Variants in DHX34 observed in about 807,000 individuals in gnomAD.
DHX34 encodes the protein DExH-box helicase 34, also known as probable ATP-dependent RNA helicase DHX34.
DHX34 carries 96 observed loss-of-function variants against 111.1 expected under a neutral mutation model. The observed-to-expected ratio is 0.86, with a 90% CI of 0.73 to 1.02. The LOEUF is 1.02. Ranked by LOEUF, DHX34 falls within the 50% of genes least tolerant of loss-of-function variation. The pLI, the probability that DHX34 is intolerant of heterozygous loss-of-function variation, is 0.00. For missense variants in DHX34, 1,560 were observed against 1,579.9 expected (o/e 0.99, Z 0.21); for synonymous variants, 688 against 670.4 (o/e 1.03, Z -0.41).
intron 13 of DHX34, among the ~76,000 whole-genome samples, chr19:47,378,244 TTCTG>T (rs1970232796): frequency 6.6e-6 from 1 of 152,142 alleles, no homozygotes; most frequent in South Asian, 2.1e-4. Flanking sequence ...GCTCAGTCAC[TTCTG>T]TGTGTGTCCA....
rs572475082 is a variant in DHX34, at chr19:47,382,053, C to T, written c.3372C>T (p.Cys1124=). The T allele has an allele frequency of 2.0e-5, 33 of 1,614,144 alleles. No homozygotes were observed. In the African/African-American group the frequency reaches 2.4e-4, roughly 12 times the overall value. ...VLQRPYHCEA[C]GKDFLFTPTE... is the part of the protein sequence containing the mutation. ...AGAGGCCCTACCACTGCGAGGCCTG[C>T]GGGAAGGACTTCCTCTTTACACCCA... The change falls in exon 17 of 17, where the codon TGC becomes TGT. Residue 1124 remains cysteine, a synonymous_variant. Coordinates refer to ENST00000328771, the MANE Select transcript of DHX34 (RefSeq NM_014681.6).
chr19:47,359,881 G>A, intron 4 of DHX34, 87 bp from the exon 5 acceptor site: 3 of 1,598,436 alleles, frequency 1.9e-6, no homozygotes, highest in Non-Finnish European at 2.6e-6. Context: ...CAGGGAAGCT[G>A]CTGACACGGG....
At chr19:47,375,774 T>C in intron 10 of DHX34, 66 bp downstream of exon 10, 1 of 1,555,072 alleles carries the variant, frequency 6.4e-7, no homozygotes, top group Non-Finnish European at 8.6e-7. Flanking sequence ...CCTGGGGGGG[T>C]CCCAGGGGAC....
rs1319377745 is a variant in DHX34, at chr19:47,380,860, C to T, written c.3027C>T (p.Asn1009=). The T allele has an allele frequency of 4.8e-5, 78 of 1,613,878 alleles. No individual in the cohort carries two copies. The highest frequency in any genetic ancestry group is 1.0e-4 in the Admixed American group (6 of 59,966). The part of the protein sequence containing the change: ...LRRLTGLEVQ[N]MYVGPQTIPA... ...GGCTCACAGGGCTAGAAGTCCAGAA[C>T]ATGTATGTGGGACCCCAGACCATCC... The change falls in exon 15 of 17, where the codon AAC becomes AAT. Residue 1009 remains asparagine, a synonymous_variant. Transcript: ENST00000328771.
Position 47,381,970 on chromosome 19 carries a change from C to G in DHX34, c.3299-10C>G, listed in dbSNP as rs200724419. ...ACGCCCCTCACAGCCTCCTCCTTTT[C>G]CTCCCTTAGGGGCTGAGGAAGCTGC... On this transcript the variant is annotated splice_polypyrimidine_tract_variant and intron_variant, in intron 16 of 16. Coordinates refer to ENST00000328771, the MANE Select transcript of DHX34 (RefSeq NM_014681.6). The G allele has an allele frequency of 2.3e-4, 375 of 1,614,000 alleles. No individual in the cohort carries two copies. The Middle Eastern group carries it at 3.5e-3, about 15-fold the overall frequency.
intron 9 of DHX34, among the ~76,000 whole-genome samples, chr19:47,374,614 T>C (rs186395447): frequency 6.6e-6 from 1 of 152,160 alleles, no homozygotes; most frequent in East Asian, 1.9e-4. Flanking sequence ...CCATTCTGTT[T>C]GGTTGGAGAT....
chr19:47,377,048 ATGGGCCTGGG>A (rs1423697371), intron 12 of DHX34, 42 bp from the exon 13 acceptor site: 13 of 1,611,332 alleles, frequency 8.1e-6, no homozygotes, highest in Admixed American at 3.3e-5. Flanking sequence ...CGGGCTTCTG[ATGGGCCTGGG>A]TGGGCCAGGG....
chr19:47,373,203 A>G (rs1970025839), intron 8 of DHX34, among the ~76,000 whole-genome samples: 1 of 152,214 alleles, frequency 6.6e-6, no homozygotes, highest in Non-Finnish European at 1.5e-5. Context: ...CTTGGGAGGC[A>G]TCTGGAGATC....
chr19:47,376,679 G>A (rs1354551043), intron 12 of DHX34, 119 bp downstream of exon 12: 5 of 1,465,430 alleles, frequency 3.4e-6, no homozygotes, highest in Admixed American at 2.3e-5. Flanking sequence ...ATTGACGGGG[G>A]CCCACAGGAG....
chr19:47,357,759 C>G, intron 3 of DHX34, 107 bp from the exon 4 acceptor site: 5 of 1,471,574 alleles, frequency 3.4e-6, no homozygotes, highest in Non-Finnish European at 4.5e-6. Flanking sequence ...TGCACTGTGT[C>G]TTCTCCGTTA....
At chr19:47,374,085 G>A (rs891263227) in intron 9 of DHX34, among the ~76,000 whole-genome samples, 1 of 152,148 alleles carries the variant, frequency 6.6e-6, no homozygotes, top group African/African-American at 2.4e-5. Flanking sequence ...GCGTGGCCCC[G>A]GGTGTGTTAC....
chr19:47,372,598 A>G (rs2547383), intron 7 of DHX34, 132 bp from the exon 8 acceptor site: 91,845 of 1,417,264 alleles, frequency 0.065, 4,142 homozygotes, highest in African/African-American at 0.22. Flanking sequence ...TCTGGGTCAC[A>G]AGACCCTTAG....
In DHX34 at chr19:47,355,182, G is replaced by A. The variant is rs761321312; in HGVS notation, c.849G>A (p.Glu283=). Residue 283 remains glutamate, a synonymous_variant, in exon 3 of 17, where the codon GAG becomes GAA. Coordinates refer to ENST00000328771, the MANE Select transcript of DHX34 (RefSeq NM_014681.6). ...YEVLIVDEVH[E]RHLHNDFLLG... ...TCCTGATTGTGGATGAAGTCCATGAGCGGCATCTCCACAACGATTTCCTCC... is the reference window on the plus strand; with the variant it reads ...TCCTGATTGTGGATGAAGTCCATGAACGGCATCTCCACAACGATTTCCTCC... 1 of 1,614,152 alleles carries A rather than the reference G, an allele frequency of 6.2e-7. No individual in the cohort carries two copies. Among genetic ancestry groups the A allele is most frequent in the South Asian group, 1.1e-5 (1 of 91,088 alleles).
At chr19:47,355,769 G>A (rs954533016) in intron 3 of DHX34, among the ~76,000 whole-genome samples, 4 of 151,966 alleles carry the variant, frequency 2.6e-5, no homozygotes, top group African/African-American at 7.2e-5. Context: ...GGAGAGTGGC[G>A]TGAACCTGGG....
chr19:47,377,927 C>T (rs1446220592), intron 13 of DHX34, among the ~76,000 whole-genome samples: 1 of 152,152 alleles, frequency 6.6e-6, no homozygotes, highest in Non-Finnish European at 1.5e-5. Flanking sequence ...GCCCCTAGTG[C>T]TCCTCGAGCG....
At chr19:47,378,186 G>A (rs1002606572) in intron 13 of DHX34, among the ~76,000 whole-genome samples, 1 of 152,116 alleles carries the variant, frequency 6.6e-6, no homozygotes, top group Non-Finnish European at 1.5e-5. Context: ...AGAGCCTCAG[G>A]GTTTTGTTGA....
chr19:47,380,926 CCT>C lies in DHX34; in HGVS notation c.3094_3095del (p.Leu1032ValfsTer13). On this transcript the variant is annotated frameshift_variant, in exon 15 of 17. Transcript: ENST00000328771. LOFTEE classifies it high-confidence loss of function. ...TTCCTGGCCTCTTTGGCAGCTCCAC[CCT>C]GTCCCCCCACCCCACAAAGGGGGGC... is the stretch of plus-strand genomic sequence containing the variant. Reference protein sequence around the residue: ...HLPGLFGSSTLSPHPTKGGYA... With the variant: ...HLPGLFGSSTXSPHPTKGGYA... The C allele has an allele frequency of 6.2e-7, 1 of 1,611,100 alleles. No individual in the cohort carries two copies. Among genetic ancestry groups the C allele is most frequent in the Non-Finnish European group, 8.5e-7 (1 of 1,178,526 alleles).
At chr19:47,363,610 G>C (rs780721339) in intron 6 of DHX34, among the ~76,000 whole-genome samples, 4 of 152,022 alleles carry the variant, frequency 2.6e-5, no homozygotes, top group Non-Finnish European at 4.4e-5. Context: ...TTGATACCAG[G>C]AGTTTGAGAC....
rs1271189567 is a variant in DHX34 at position 47,379,868 on chromosome 19, C to G, written c.2865C>G (p.Asp955Glu). Reference protein sequence around the residue: ...RLRARWESALDRQLAHQAQQQ... With the variant: ...RLRARWESALERQLAHQAQQQ... ...GTGCCCGCTGGGAAAGTGCCCTGGA[C>G]CGGCAGCTGGCGCACCAGGCCCAGC... The change falls in exon 14 of 17, where the codon GAC becomes GAG. Residue 955 changes from aspartate (D) to glutamate (E), a missense_variant. Asp to Glu is a conservative substitution (Grantham distance 45, BLOSUM62 2). Coordinates refer to ENST00000328771, the MANE Select transcript of DHX34 (RefSeq NM_014681.6). The G allele has an allele frequency of 3.1e-6, 5 of 1,613,536 alleles. No homozygotes were observed. In the Admixed American group the frequency reaches 6.7e-5, roughly 22 times the overall value.
Sources: gnomAD v4.1 joint callset for allele counts (sites outside exome capture counted in the v4.1 genomes callset) on GRCh38, gnomAD v4.1.1 for gene constraint, MANE v1.5 for transcripts, NCBI Gene and HGNC (gene_info 2026-07-23, HGNC 2026-07-21) for gene names.